Variants in FSTL5 observed in about 807,000 individuals in gnomAD.
The protein encoded by FSTL5 is follistatin like 5.
Under a neutral mutation model 89.1 loss-of-function variants are expected in FSTL5, and 62 were observed. The ratio of observed to expected loss-of-function variants is 0.70; its 90% confidence interval spans 0.57 to 0.86. The LOEUF (loss-of-function observed/expected upper bound fraction) is 0.86, where lower values mean the gene tolerates loss of function less well. Among genes scored for constraint, FSTL5 ranks in the 40% least tolerant of loss-of-function variants. The pLI, the probability that FSTL5 is intolerant of heterozygous loss-of-function variation, is 0.00. For missense variants in FSTL5, 1,057 were observed against 1,001.6 expected, an observed-to-expected ratio of 1.06 and a Z score of -0.75; for synonymous variants, 383 against 346.2, an observed-to-expected ratio of 1.11 and a Z score of -1.18.
chr4:161,722,181 T>A (rs900381575), intron 6 of FSTL5, among the ~76,000 whole-genome samples: 4 of 152,206 alleles, frequency 2.6e-5, no homozygotes, highest in African/African-American at 9.6e-5. Flanking sequence ...TTTATTTTCA[T>A]CCTCTCAATG....
intron 5 of FSTL5, among the ~76,000 whole-genome samples, chr4:161,774,000 G>A (rs1157360671): frequency 3.3e-5 from 5 of 152,096 alleles, no homozygotes; most frequent in South Asian, 4.1e-4. Context: ...GGTGGCTCAC[G>A]CATGTAATCC....
At chr4:162,110,042 A>G (rs781081810) in intron 2 of FSTL5, among the ~76,000 whole-genome samples, 3 of 152,104 alleles carry the variant, frequency 2.0e-5, no homozygotes, top group Non-Finnish European at 2.9e-5. Flanking sequence ...CAATTTTCCA[A>G]TTGCATATGT....
intron 3 of FSTL5, chr4:162,022,841 A>C (rs560631752): frequency 2.0e-5 from 3 of 152,268 alleles, no homozygotes; most frequent in African/African-American, 7.2e-5. Context: ...CAAATATCAC[A>C]TATTCTCACT....
At chr4:161,977,236 T>G (rs1735675319) in intron 3 of FSTL5, among the ~76,000 whole-genome samples, 1 of 152,110 alleles carries the variant, frequency 6.6e-6, no homozygotes, top group Admixed American at 6.5e-5. Context: ...AAAATGAATA[T>G]ATGTGACACT....
chr4:161,476,306 GCC>G (rs1734148268), intron 13 of FSTL5, among the ~76,000 whole-genome samples: 1 of 150,700 alleles, frequency 6.6e-6, no homozygotes, highest in Non-Finnish European at 1.5e-5. Flanking sequence ...TCCTGCCTCA[GCC>G]TCCCAAGTAG....
At chr4:161,935,114 T>A (rs1039229032) in intron 3 of FSTL5, among the ~76,000 whole-genome samples, 1 of 152,078 alleles carries the variant, frequency 6.6e-6, no homozygotes, top group Non-Finnish European at 1.5e-5. Flanking sequence ...ACTGTAAACT[T>A]GTATGGTAAT....
chr4:161,727,294 T>C (rs1350582267), intron 6 of FSTL5, among the ~76,000 whole-genome samples: 1 of 152,214 alleles, frequency 6.6e-6, no homozygotes, highest in Non-Finnish European at 1.5e-5. Flanking sequence ...TGTCTGAATA[T>C]ATTCTAAAAT....
intron 15 of FSTL5, among the ~76,000 whole-genome samples, chr4:161,398,421 T>A (rs569361513): frequency 6.6e-6 from 1 of 152,202 alleles, no homozygotes; most frequent in South Asian, 2.1e-4. Context: ...CATATTTTAA[T>A]GCTCTTTTAT....
intron 15 of FSTL5, among the ~76,000 whole-genome samples, chr4:161,428,186 C>T (rs1217726865): frequency 6.6e-6 from 1 of 152,120 alleles, no homozygotes; most frequent in African/African-American, 2.4e-5. Context: ...GAGCATTGAA[C>T]CCAGTATTTC....
intron 6 of FSTL5, among the ~76,000 whole-genome samples, chr4:161,687,350 T>C (rs1257512264): frequency 2.6e-5 from 4 of 152,234 alleles, no homozygotes; most frequent in Non-Finnish European, 4.4e-5. Context: ...CTTTATACTA[T>C]TTCTTTAATT....
intron 8 of FSTL5, among the ~76,000 whole-genome samples, chr4:161,559,759 A>G (rs1168891085): frequency 6.6e-6 from 1 of 151,968 alleles, no homozygotes; most frequent in African/African-American, 2.4e-5. Context: ...TACTTAATGA[A>G]GGTGCTACGT....
At chr4:161,818,027 T>C (rs575888937) in intron 4 of FSTL5, among the ~76,000 whole-genome samples, 50 of 152,268 alleles carry the variant, frequency 3.3e-4, no homozygotes, top group African/African-American at 1.2e-3. Flanking sequence ...CACCCTGGCC[T>C]GCCATGCCCC....
intron 3 of FSTL5, among the ~76,000 whole-genome samples, chr4:161,961,405 C>T (rs2110980753): frequency 6.6e-6 from 1 of 152,080 alleles, no homozygotes; most frequent in Non-Finnish European, 1.5e-5. Flanking sequence ...GACCCCCATG[C>T]CCGGTTTATC....
At chr4:162,001,621 TGTGTGTAA>T (rs1038409978) in intron 3 of FSTL5, among the ~76,000 whole-genome samples, 1 of 151,572 alleles carries the variant, frequency 6.6e-6, no homozygotes, top group African/African-American at 2.4e-5. Context: ...TGTGTGTGTG[TGTGTGTAA>T]GTGTAAGAGT....
At chr4:161,980,446 T>C (rs1041005781) in intron 3 of FSTL5, among the ~76,000 whole-genome samples, 12 of 152,118 alleles carry the variant, frequency 7.9e-5, no homozygotes, top group Non-Finnish European at 1.6e-4. Flanking sequence ...CATGTTCTTT[T>C]GTTTCCCTTA....
intron 3 of FSTL5, among the ~76,000 whole-genome samples, chr4:161,992,562 G>A (rs577889162): frequency 1.8e-4 from 27 of 152,006 alleles, no homozygotes; most frequent in Non-Finnish European, 2.9e-4. Context: ...AGTAGTGGAA[G>A]CAGGGCGCGG....
intron 6 of FSTL5, among the ~76,000 whole-genome samples, chr4:161,708,487 TGTGA>T (rs1334358344): frequency 6.6e-6 from 1 of 152,042 alleles, no homozygotes; most frequent in East Asian, 1.9e-4. Flanking sequence ...AAACCTGCAC[TGTGA>T]GTCAGGGGAA....
At chr4:161,617,243 C>A (rs1472937166) in intron 7 of FSTL5, among the ~76,000 whole-genome samples, 1 of 151,840 alleles carries the variant, frequency 6.6e-6, no homozygotes, top group African/African-American at 2.4e-5. Flanking sequence ...ACTTAAATAT[C>A]CTTGTAAGTA....
At chr4:161,523,102 C>T (rs1285490743) in intron 10 of FSTL5, among the ~76,000 whole-genome samples, 1 of 152,022 alleles carries the variant, frequency 6.6e-6, no homozygotes, top group East Asian at 1.9e-4. Context: ...ATAAACGTCT[C>T]TAATAGAGTT....
Sources: allele counts gnomAD v4.1 joint callset (sites outside exome capture counted in the v4.1 genomes callset), GRCh38; gene constraint gnomAD v4.1.1; transcripts MANE v1.5; gene names NCBI Gene and HGNC (gene_info 2026-07-23, HGNC 2026-07-21).